The following PKHD1L1 variants were observed in gnomAD, a reference collection of about 807,000 sequenced individuals.
PKHD1L1 encodes fibrocystin-L.
Under a neutral mutation model 462.9 loss-of-function variants are expected in PKHD1L1, and 434 were observed. That is an observed-to-expected ratio of 0.94 (90% CI 0.87 to 1.02). The LOEUF (loss-of-function observed/expected upper bound fraction) is 1.02, where lower values mean the gene tolerates loss of function less well. PKHD1L1 is among the 50% of genes least tolerant of loss of function. The pLI is 0.00. For synonymous variants in PKHD1L1, 1,781 were observed against 1,750.0 expected (o/e 1.02, Z -0.44); for missense variants, 5,202 against 5,096.1 (o/e 1.02, Z -0.63).
chr8:109,506,687 A>C lies in PKHD1L1; in HGVS notation c.10995-976A>C, dbSNP rs951167469. Among the ~76,000 whole-genome samples, 12 of 152,308 alleles carry C rather than the reference A, an allele frequency of 7.9e-5. No homozygotes were observed. In the Middle Eastern group the frequency reaches 0.017, roughly 216 times the overall value. On this transcript the variant is annotated intron_variant, in intron 68 of 77. Coordinates refer to ENST00000378402, the MANE Select transcript of PKHD1L1 (RefSeq NM_177531.6). Reference sequence around the variant, plus strand: ...ATGAACTACAAAAATATTTATTAAAATCCTTCTCTAAAACTTGTATATTAT... The same window carrying C: ...ATGAACTACAAAAATATTTATTAAACTCCTTCTCTAAAACTTGTATATTAT...
At position 109,464,686 on chromosome 8, in the gene PKHD1L1, T is replaced by G; in HGVS notation, c.7854T>G (p.Ser2618=). Residue 2618 remains serine, a synonymous_variant, in exon 49 of 78, where the codon TCT becomes TCG. Coordinates refer to ENST00000378402, the MANE Select transcript of PKHD1L1 (RefSeq NM_177531.6). ...AATTTTTTAACAATACTGTCCATTC[T>G]CAAGGTTGGTTTGGAATGTGGATCT... The part of the protein sequence containing the change: ...LGEFFNNTVH[S]QGWFGMWIFE... 1.2e-6 allele frequency: 2 copies of G among 1,613,726 alleles called. No individual in the cohort carries two copies. Among genetic ancestry groups the G allele is most frequent in the Non-Finnish European group, 1.7e-6 (2 of 1,179,812 alleles).
Position 109,442,108 on chromosome 8 carries a change from G to A in PKHD1L1, c.4306G>A (p.Gly1436Arg), listed in dbSNP as rs202087705. ...WQTHPFLRGIGYRIFSVSSPG... is the reference protein window; with the variant it reads ...WQTHPFLRGIRYRIFSVSSPG... The stretch of plus-strand genomic sequence containing the variant: ...AACACATCCGTTTCTTAGAGGGATA[G>A]GATATAGGATTTTTTCTGTCTCCAG... Residue 1436 changes from glycine (G) to arginine (R), a missense_variant, in exon 35 of 78, where the codon GGA becomes AGA. Transcript: ENST00000378402. The A allele has an allele frequency of 2.1e-3, 3,408 of 1,613,440 alleles. 7 individuals are homozygous for A. Among genetic ancestry groups the A allele is most frequent in the South Asian group, 4.6e-3 (423 of 91,050 alleles).
rs183193694 is a variant in PKHD1L1, at chr8:109,431,094, A to G, written c.3229+1057A>G. Reference sequence around the variant, plus strand: ...GCGATTCTCCCACCTCAGCCTCCCAAGTAGCTGAGACTACAGGTGCATACC... The same window carrying G: ...GCGATTCTCCCACCTCAGCCTCCCAGGTAGCTGAGACTACAGGTGCATACC... On this transcript the variant is annotated intron_variant, in intron 27 of 77. Transcript: ENST00000378402. Among the ~76,000 whole-genome samples the G allele has an allele frequency of 4.1e-3, 617 of 152,122 alleles. 13 individuals carry two copies. Among genetic ancestry groups the G allele is most frequent in the Admixed American group, 0.037 (569 of 15,280 alleles).
At chr8:109,515,977 G>A (rs984648731) in intron 72 of PKHD1L1, among the ~76,000 whole-genome samples, 2 of 152,080 alleles carry the variant, frequency 1.3e-5, no homozygotes, top group African/African-American at 4.8e-5. Flanking sequence ...GTGTGTGGTA[G>A]ATCATAATAT....
At chr8:109,430,066 GGT>G in intron 27 of PKHD1L1, 29 bp downstream of exon 27, 2 of 1,418,904 alleles carry the variant, frequency 1.4e-6, no homozygotes, top group Non-Finnish European at 9.7e-7. Flanking sequence ...ACCTATACTG[GGT>G]GTGAAAGATA....
Position 109,362,544 on chromosome 8 carries a change from G to C in PKHD1L1, c.-37G>C, listed in dbSNP as rs1430676636. 1 of 1,559,702 alleles carries C rather than the reference G, an allele frequency of 6.4e-7. No individual in the cohort carries two copies. Among genetic ancestry groups the C allele is most frequent in the Non-Finnish European group, 8.7e-7 (1 of 1,146,766 alleles). On this transcript the variant is annotated 5_prime_UTR_variant, in exon 1 of 78. Coordinates refer to ENST00000378402, the MANE Select transcript of PKHD1L1 (RefSeq NM_177531.6). ...GAGCTCCAGCACTAGAGCCAGCTGC[G>C]AGCGGAGGGCACCAACTCCGCAGAA...
chr8:109,377,076 A>T (rs138435303), intron 2 of PKHD1L1, among the ~76,000 whole-genome samples: 1 of 152,358 alleles, frequency 6.6e-6, no homozygotes, highest in East Asian at 1.9e-4. Flanking sequence ...GAACACCGAA[A>T]ATGCGTAATA....
rs1817340132 is a variant in PKHD1L1 at position 109,464,781 on chromosome 8, C to T, written c.7949C>T (p.Ser2650Leu). ...STVPAPAIFN[S>L]LTTWNCQKGA... ...GTGCCTGCACCTGCAATATTTAACTCACTTACTACTTGGAATTGTCAAAAA... is the reference window on the plus strand; with the variant it reads ...GTGCCTGCACCTGCAATATTTAACTTACTTACTACTTGGAATTGTCAAAAA... Residue 2650 changes from serine to leucine, a missense_variant, in exon 49 of 78, where the codon TCA becomes TTA. Physicochemically the swap from Ser to Leu is moderately radical, Grantham distance 145 (BLOSUM62 -2). This residue lies in a region of PKHD1L1 where 4,497 missense variants were observed against 4,336.8 expected (regional missense o/e 1.04). Coordinates refer to ENST00000378402, the MANE Select transcript of PKHD1L1 (RefSeq NM_177531.6). 11 of 1,613,768 alleles carry T rather than the reference C, an allele frequency of 6.8e-6. No homozygotes were observed. Among genetic ancestry groups the T allele is most frequent in the Non-Finnish European group, 9.3e-6 (11 of 1,179,776 alleles).
intron 30 of PKHD1L1, among the ~76,000 whole-genome samples, chr8:109,438,073 A>G (rs1815539639): frequency 6.6e-6 from 1 of 152,188 alleles, no homozygotes. Flanking sequence ...CAGAAATCCA[A>G]TAATATAGAT....
At position 109,477,577 on chromosome 8, in the gene PKHD1L1, G is replaced by A. The variant is rs73704022; in HGVS notation, c.9089+181G>A. 9.2e-3 allele frequency among the ~76,000 whole-genome samples: 1,401 copies of A among 152,232 alleles called. 16 individuals are homozygous for A. Among genetic ancestry groups the A allele is most frequent in the African/African-American group, 0.031 (1,309 of 41,560 alleles). Reference sequence around the variant, plus strand: ...AAAACCTTCGTGAGAAAATGAAAATGTCTTAAAAAAATTATGTGTGAAAGT... The same window carrying A: ...AAAACCTTCGTGAGAAAATGAAAATATCTTAAAAAAATTATGTGTGAAAGT... On this transcript the variant is annotated intron_variant, in intron 53 of 77. Coordinates refer to ENST00000378402, the MANE Select transcript of PKHD1L1 (RefSeq NM_177531.6).
chr8:109,477,326 C>A lies in PKHD1L1; in HGVS notation c.9019C>A (p.Leu3007Ile), dbSNP rs777859516. 3 of 1,613,548 alleles carry A rather than the reference C, an allele frequency of 1.9e-6. No homozygotes were observed. In the South Asian group the frequency reaches 3.3e-5, roughly 18 times the overall value. ...VINFQAYCCI[L>I]QDCFPVHPPS... ...TAATTTCCAAGCTTACTGTTGTATT[C>A]TCCAGGATTGCTTTCCTGTACATCC... The change falls in exon 53 of 78, where the codon CTC (leucine) becomes ATC (isoleucine). Residue 3007 changes from leucine to isoleucine, a missense_variant. Leu to Ile is a conservative substitution (Grantham distance 5). Transcript: ENST00000378402.
Position 109,454,756 on chromosome 8 carries a change from G to A in PKHD1L1, c.6778G>A (p.Ala2260Thr), listed in dbSNP as rs1234170847. 1 of 1,613,720 alleles carries A rather than the reference G, an allele frequency of 6.2e-7. No homozygotes were observed. The highest frequency in any genetic ancestry group is 8.5e-7 in the Non-Finnish European group (1 of 1,179,778). Residue 2260 changes from alanine to threonine, a missense_variant, in exon 45 of 78, where the codon GCT becomes ACT. By Grantham distance (58) the Ala-to-Thr change is moderately conservative (BLOSUM62 0). Around this residue, in one of 3 missense-constraint regions of PKHD1L1, gnomAD observed 4,497 missense variants for 4,336.8 expected, o/e 1.04. Transcript: ENST00000378402. ...AGAGACATCCCCATTCCAACACAAG[G>A]CTGTCATTACCTTGCATGGTCACCT... ...GTETSPFQHK[A>T]VITLHGHLRS...
At position 109,444,973 on chromosome 8, in the gene PKHD1L1, G is replaced by A; in HGVS notation, c.5104G>A (p.Val1702Ile). 1 of 1,613,992 alleles carries A rather than the reference G, an allele frequency of 6.2e-7. No homozygotes were observed. Among genetic ancestry groups the A allele is most frequent in the South Asian group, 1.1e-5 (1 of 91,076 alleles). Residue 1702 changes from valine to isoleucine, a missense_variant, in exon 38 of 78, where the codon GTT becomes ATT. Physicochemically the swap from Val to Ile is conservative, Grantham distance 29. Coordinates refer to ENST00000378402, the MANE Select transcript of PKHD1L1 (RefSeq NM_177531.6). ...CCTTATGGGTCATTTCCCATGTAAA[G>A]TTCTATCAGTGAATTATACGGCCAT... ...KVLMGHFPCK[V>I]LSVNYTAIEC...
At chr8:109,466,474 A>G (rs1817444063) in intron 49 of PKHD1L1, 104 bp from the exon 50 acceptor site, 4 of 1,157,446 alleles carry the variant, frequency 3.5e-6, no homozygotes, top group Non-Finnish European at 4.7e-6. Flanking sequence ...CCAGACTTTT[A>G]GACTGTATTA....
intron 68 of PKHD1L1, 74 bp from the exon 69 acceptor site, chr8:109,507,589 C>T: frequency 7.7e-7 from 1 of 1,303,434 alleles, no homozygotes; most frequent in Non-Finnish European, 1.1e-6. Context: ...TGGATATCCT[C>T]TAAGTAAATA....
At chr8:109,425,258 G>C (rs1814683199) in intron 24 of PKHD1L1, 26 bp downstream of exon 24, 1 of 1,540,110 alleles carries the variant, frequency 6.5e-7, no homozygotes. Flanking sequence ...TTAAAATATT[G>C]GTGTATACGC....
At chr8:109,509,148 G>A (rs1819847762) in intron 70 of PKHD1L1, among the ~76,000 whole-genome samples, 1 of 152,008 alleles carries the variant, frequency 6.6e-6, no homozygotes, top group South Asian at 2.1e-4. Flanking sequence ...GTATTCCAAA[G>A]TTTCATGATT....
In PKHD1L1 at chr8:109,456,303, G is replaced by A. The variant is rs1182649257; in HGVS notation, c.6916G>A (p.Ala2306Thr). The A allele has an allele frequency of 6.2e-7, 1 of 1,612,686 alleles. No homozygotes were observed. Among genetic ancestry groups the A allele is most frequent in the Non-Finnish European group, 8.5e-7 (1 of 1,179,292 alleles). Residue 2306 changes from alanine to threonine, a missense_variant, in exon 46 of 78, where the codon GCA (alanine) becomes ACA (threonine). Coordinates refer to ENST00000378402, the MANE Select transcript of PKHD1L1 (RefSeq NM_177531.6). ...GACCTGGACTCGCTTGGCTCATACT[G>A]CAAAGGCAGGGGAAAGAATTTTAAT... is the stretch of plus-strand genomic sequence containing the variant. ...PVTWTRLAHT[A>T]KAGERILILQ...
intron 2 of PKHD1L1, among the ~76,000 whole-genome samples, chr8:109,379,948 C>T (rs1563720396): frequency 6.6e-6 from 1 of 152,068 alleles, no homozygotes; most frequent in Non-Finnish European, 1.5e-5. Flanking sequence ...GGCTTCATGT[C>T]CAGTGATTAC....
Sources: allele counts gnomAD v4.1 joint callset (sites outside exome capture counted in the v4.1 genomes callset), GRCh38; gene constraint gnomAD v4.1.1; regional missense constraint gnomAD v4.1.1; transcripts MANE v1.5; gene names NCBI Gene and HGNC (gene_info 2026-07-23, HGNC 2026-07-21).